The following MKLN1 variants were observed in gnomAD, a reference collection of about 807,000 sequenced individuals.
MKLN1 encodes muskelin.
Under a neutral mutation model 99.0 loss-of-function variants are expected in MKLN1, and 18 were observed. The ratio of observed to expected loss-of-function variants is 0.18; its 90% CI spans 0.13 to 0.27. The LOEUF (loss-of-function observed/expected upper bound fraction) is 0.27, where lower values mean the gene tolerates loss of function less well. MKLN1 is among the 10% of genes least tolerant of loss of function. MKLN1 has a pLI of 1.00. For missense variants in MKLN1, 621 were observed against 875.9 expected (o/e 0.71, Z 3.67); for synonymous variants, 288 against 293.2 (o/e 0.98, Z 0.18).
intron 3 of MKLN1, among the ~76,000 whole-genome samples, chr7:131,266,652 C>T (rs544346736): frequency 6.6e-6 from 1 of 152,138 alleles, no homozygotes; most frequent in African/African-American, 2.4e-5. Context: ...ACAAGGAAGT[C>T]CCACATCCTT....
rs1054295200 is a variant in MKLN1, at chr7:131,490,488, C to T, written c.*2760C>T. ...TTTATTTTGGTAATGGCAGAGACCT[C>T]ATGTGGCCAGTTTGATTGATTGAAG... is the stretch of plus-strand genomic sequence containing the variant. On this transcript the variant is annotated 3_prime_UTR_variant, in exon 18 of 18. Coordinates refer to ENST00000352689, the MANE Select transcript of MKLN1 (RefSeq NM_013255.5). 1 of 152,550 alleles carries T rather than the reference C, an allele frequency of 6.6e-6. No individual in the cohort carries two copies. The highest frequency in any genetic ancestry group is 6.6e-5 in the Admixed American group (1 of 15,264). 9.4% of individuals were successfully genotyped at this position (152,550 alleles called of 1,614,324 possible). A position where few individuals can be genotyped will look rare whatever the true frequency, so the allele number is the denominator to read the frequency against.
Position 131,491,936 on chromosome 7 carries a change from T to C in MKLN1, c.*4208T>C, listed in dbSNP as rs183175312. On this transcript the variant is annotated 3_prime_UTR_variant, in exon 18 of 18. Coordinates refer to ENST00000352689, the MANE Select transcript of MKLN1 (RefSeq NM_013255.5). Reference sequence around the variant, plus strand: ...TTGCTTGGAAAAAAAAAGATCAAAATCATTCTGGGGCAAATGCTCTATTAT... The same window carrying C: ...TTGCTTGGAAAAAAAAAGATCAAAACCATTCTGGGGCAAATGCTCTATTAT... 9 of 152,664 alleles carry C rather than the reference T, an allele frequency of 5.9e-5. No homozygotes were observed. Among genetic ancestry groups the C allele is most frequent in the Non-Finnish European group, 1.0e-4 (7 of 68,016 alleles). 9.5% of individuals were successfully genotyped at this position (152,664 alleles called of 1,614,324 possible). A position where few individuals can be genotyped will look rare whatever the true frequency, so the allele number is the denominator to read the frequency against.
At chr7:131,435,163 G>C (rs559335965) in intron 9 of MKLN1, among the ~76,000 whole-genome samples, 59 of 152,202 alleles carry the variant, frequency 3.9e-4, no homozygotes, top group Non-Finnish European at 7.1e-4. Flanking sequence ...AGATTATCCT[G>C]ATTGATTTTC....
chr7:131,234,684 C>T (rs1213680254), intron 3 of MKLN1, among the ~76,000 whole-genome samples: 2 of 152,206 alleles, frequency 1.3e-5, no homozygotes, highest in Non-Finnish European at 2.9e-5. Flanking sequence ...GCAAGCCATT[C>T]TCAATTCCAG....
chr7:131,431,345 TATTAC>T, intron 9 of MKLN1, among the ~76,000 whole-genome samples: 1 of 152,370 alleles, frequency 6.6e-6, no homozygotes, highest in African/African-American at 2.4e-5. Flanking sequence ...TTACACTGTT[TATTAC>T]ATTACAAGCA....
At chr7:131,398,894 G>A (rs572693704) in intron 5 of MKLN1, among the ~76,000 whole-genome samples, 1 of 152,250 alleles carries the variant, frequency 6.6e-6, no homozygotes, top group East Asian at 1.9e-4. Flanking sequence ...GCATTGTAAT[G>A]GGATTAATAG....
rs565606417 is a variant in MKLN1 at position 131,318,398 on chromosome 7, G to A, written c.-178-57026G>A. Among the ~76,000 whole-genome samples the A allele has an allele frequency of 5.5e-4, 83 of 152,098 alleles. 1 individual carries two copies. Among genetic ancestry groups the A allele is most frequent in the African/African-American group, 1.9e-3 (77 of 41,430 alleles). ...ATTAAGGCAGATAAAGAAGTTCTTC[G>A]AAACCAATGAGAACAAAAAGACAAT... is the stretch of plus-strand genomic sequence containing the variant. On this transcript the variant is annotated intron_variant, in intron 3 of 7. Coordinates refer to the MKLN1 transcript ENST00000416992.
intron 3 of MKLN1, among the ~76,000 whole-genome samples, chr7:131,314,511 G>A (rs34383752): frequency 6.6e-5 from 10 of 151,804 alleles, no homozygotes; most frequent in Non-Finnish European, 1.0e-4. Flanking sequence ...CAAGCTCCGC[G>A]TCCCAGGTTC....
chr7:131,440,321 A>G (rs556055947), intron 10 of MKLN1, among the ~76,000 whole-genome samples: 1 of 152,286 alleles, frequency 6.6e-6, no homozygotes, highest in African/African-American at 2.4e-5. Context: ...AGAGTCATAG[A>G]ATTAGAGAAG....
At chr7:131,409,669 G>A (rs901023833) in intron 6 of MKLN1, among the ~76,000 whole-genome samples, 21 of 152,200 alleles carry the variant, frequency 1.4e-4, no homozygotes, top group African/African-American at 4.3e-4. Flanking sequence ...GCAGAAAACA[G>A]TTTTACTTTT....
intron 8 of MKLN1, among the ~76,000 whole-genome samples, chr7:131,425,632 G>A (rs1469066585): frequency 6.6e-6 from 1 of 152,142 alleles, no homozygotes; most frequent in Non-Finnish European, 1.5e-5. Context: ...GGGAGAAATG[G>A]ATAGACACTA....
chr7:131,152,493 C>CTT (rs556839203), intron 2 of MKLN1, among the ~76,000 whole-genome samples: 1 of 132,092 alleles, frequency 7.6e-6, no homozygotes, highest in African/African-American at 2.7e-5. Context: ...GTTGTTGTTT[C>CTT]TTTTTTTCTT....
At chr7:131,232,123 T>C (rs1797252927) in intron 3 of MKLN1, among the ~76,000 whole-genome samples, 1 of 152,178 alleles carries the variant, frequency 6.6e-6, no homozygotes. Context: ...TACCTCCATA[T>C]AAAAATTTTT....
At chr7:131,152,734 G>A (rs780664096) in intron 2 of MKLN1, among the ~76,000 whole-genome samples, 14 of 151,848 alleles carry the variant, frequency 9.2e-5, no homozygotes, top group Non-Finnish European at 1.8e-4. Flanking sequence ...TCCTGACCTC[G>A]TGATCCACCC....
intron 3 of MKLN1, among the ~76,000 whole-genome samples, chr7:131,281,203 G>A (rs1318313892): frequency 6.7e-6 from 1 of 148,246 alleles, no homozygotes; most frequent in Non-Finnish European, 1.5e-5. Context: ...TCCATTTTGA[G>A]TTATTCTTTT....
chr7:131,220,592 G>T (rs965514084), intron 3 of MKLN1, among the ~76,000 whole-genome samples: 3 of 152,186 alleles, frequency 2.0e-5, no homozygotes, highest in Non-Finnish European at 4.4e-5. Context: ...GTTTTGGAGT[G>T]GGCCAGTGTG....
chr7:131,466,646 G>T (rs1191876106), intron 15 of MKLN1, among the ~76,000 whole-genome samples: 4 of 152,050 alleles, frequency 2.6e-5, no homozygotes, highest in African/African-American at 9.7e-5. Context: ...TTAAAAAAAT[G>T]GAAAATAATT....
intron 15 of MKLN1, among the ~76,000 whole-genome samples, chr7:131,469,433 A>T (rs1378084596): frequency 6.6e-6 from 1 of 152,190 alleles, no homozygotes; most frequent in Non-Finnish European, 1.5e-5. Flanking sequence ...TAAACTGCTA[A>T]TCAAAGCGTG....
intron 1 of MKLN1, among the ~76,000 whole-genome samples, chr7:131,347,871 T>G (rs1310710019): frequency 6.6e-6 from 1 of 152,210 alleles, no homozygotes; most frequent in Admixed American, 6.5e-5. Context: ...TTTTTTAAAT[T>G]GCAAAAATGG....
Sources: allele counts gnomAD v4.1 joint callset (sites outside exome capture counted in the v4.1 genomes callset), GRCh38; gene constraint gnomAD v4.1.1; transcripts MANE v1.5; gene names NCBI Gene and HGNC (gene_info 2026-07-23, HGNC 2026-07-21).